FARS2: variants seen among roughly 807,000 people sequenced by gnomAD.
FARS2 encodes phenylalanine--tRNA ligase, mitochondrial.
A neutral mutation model predicts 46.4 loss-of-function variants in FARS2; 40 were observed. That is an observed-to-expected ratio of 0.86 (90% CI 0.67 to 1.12). The LOEUF (loss-of-function observed/expected upper bound fraction) is 1.12. FARS2 is among the 50% of genes most tolerant of loss of function. The pLI, the probability that FARS2 is intolerant of heterozygous loss-of-function variation, is 0.00. For synonymous variants in FARS2, 234 were observed against 214.9 expected (o/e 1.09, Z -0.78); for missense variants, 513 against 567.9 (o/e 0.90, Z 0.98).
At chr6:5,547,213 A>C (rs2150506723) in intron 5 of FARS2, among the ~76,000 whole-genome samples, 1 of 152,228 alleles carries the variant, frequency 6.6e-6, no homozygotes, top group African/African-American at 2.4e-5. Context: ...TGGCCTCCCG[A>C]AGTGCTGGGA....
intron 3 of FARS2, among the ~76,000 whole-genome samples, chr6:5,418,738 C>T (rs1315543226): frequency 3.9e-5 from 6 of 152,284 alleles, no homozygotes; most frequent in South Asian, 2.1e-4. Context: ...TCCAGACTCC[C>T]GGCTCTGTCT....
At chr6:5,381,370 A>AACACACACACACAC (rs3057175) in intron 2 of FARS2, among the ~76,000 whole-genome samples, 8 of 132,988 alleles carry the variant, frequency 6.0e-5, no homozygotes, top group East Asian at 2.1e-4. Context: ...ACTCCCCAGA[A>AACACACACACACAC]ACACACACAC....
intron 1 of FARS2, among the ~76,000 whole-genome samples, chr6:5,265,827 T>C (rs73363098): frequency 0.092 from 14,051 of 152,262 alleles, 844 homozygotes; most frequent in African/African-American, 0.17. Flanking sequence ...GCTGAAGCGT[T>C]GTGGGGTCTC....
intron 1 of FARS2, among the ~76,000 whole-genome samples, chr6:5,273,665 G>A (rs1003531969): frequency 3.3e-5 from 5 of 152,074 alleles, no homozygotes; most frequent in African/African-American, 4.8e-5. Flanking sequence ...TTACAGAAGC[G>A]TTTTTGCTTG....
intron 3 of FARS2, among the ~76,000 whole-genome samples, chr6:5,430,386 GCACTTTTTCT>G (rs1403574777): frequency 2.6e-5 from 4 of 152,006 alleles, no homozygotes; most frequent in Admixed American, 2.6e-4. Flanking sequence ...TTAAATTACA[GCACTTTTTCT>G]CAAAAGTGCT....
chr6:5,434,617 C>T (rs931955829), intron 4 of FARS2, among the ~76,000 whole-genome samples: 7 of 152,192 alleles, frequency 4.6e-5, no homozygotes, highest in Admixed American at 3.9e-4. Flanking sequence ...TAACCACAGA[C>T]ATTTGTAAGT....
rs34273142 is a variant in FARS2 at position 5,538,148 on chromosome 6, CAAA to C, written c.905-7016_905-7014del. On this transcript the variant is annotated intron_variant, in intron 4 of 6. Coordinates refer to ENST00000274680, the MANE Select transcript of FARS2 (RefSeq NM_006567.5). ...GGAACTCACTAGTTTTGGAATGAGG[CAAA>C]AAAAAAAAAAAAAAATACTGCCTTA... 1.1e-3 allele frequency among the ~76,000 whole-genome samples: 116 copies of C among 108,116 alleles called. 1 individual carries two copies. The highest frequency in any genetic ancestry group is 2.5e-3 in the African/African-American group (69 of 27,388). 70.9% of individuals were successfully genotyped at this position (108,116 alleles called of 152,430 possible).
intron 1 of FARS2, among the ~76,000 whole-genome samples, chr6:5,310,328 CCTTT>C (rs1012872060): frequency 3.3e-5 from 5 of 151,450 alleles, no homozygotes; most frequent in African/African-American, 1.2e-4. Flanking sequence ...GTGGTGAAGG[CCTTT>C]CTAAGCAAGG....
intron 4 of FARS2, among the ~76,000 whole-genome samples, chr6:5,505,857 G>T (rs1768069991): frequency 6.6e-6 from 1 of 152,158 alleles, no homozygotes; most frequent in African/African-American, 2.4e-5. Flanking sequence ...AGTTCCACCA[G>T]CTATTATAAT....
intron 6 of FARS2, among the ~76,000 whole-genome samples, chr6:5,671,466 C>T (rs1404196047): frequency 6.6e-6 from 1 of 152,218 alleles, no homozygotes; most frequent in Non-Finnish European, 1.5e-5. Context: ...TCTGCCGGAA[C>T]TTCCTGGTGT....
chr6:5,724,382 G>C (rs1215713315), intron 6 of FARS2, among the ~76,000 whole-genome samples: 1 of 152,204 alleles, frequency 6.6e-6, no homozygotes, highest in African/African-American at 2.4e-5. Context: ...CCTTCCCTTT[G>C]TGGTCATCAC....
chr6:5,605,006 C>T (rs1774747928), intron 5 of FARS2, among the ~76,000 whole-genome samples: 1 of 152,322 alleles, frequency 6.6e-6, no homozygotes, highest in Non-Finnish European at 1.5e-5. Context: ...CCTTTGTCCT[C>T]CTCCCTGACA....
intron 2 of FARS2, among the ~76,000 whole-genome samples, chr6:5,380,990 A>ATTTG (rs1759727890): frequency 7.1e-6 from 1 of 140,982 alleles, no homozygotes; most frequent in South Asian, 2.3e-4. Flanking sequence ...TTATTTATTT[A>ATTTG]TTTATTTATT....
At chr6:5,687,685 C>CT (rs1306665324) in intron 6 of FARS2, among the ~76,000 whole-genome samples, 1 of 152,136 alleles carries the variant, frequency 6.6e-6, no homozygotes, top group Admixed American at 6.5e-5. Context: ...AATGTGGGCT[C>CT]TTTTTTGGTT....
At chr6:5,666,078 G>A (rs1447777618) in intron 6 of FARS2, among the ~76,000 whole-genome samples, 1 of 152,162 alleles carries the variant, frequency 6.6e-6, no homozygotes, top group Non-Finnish European at 1.5e-5. Context: ...AGCAGGTCTA[G>A]CGTACCGCAC....
chr6:5,641,391 G>T (rs1776811369), intron 6 of FARS2, among the ~76,000 whole-genome samples: 1 of 152,084 alleles, frequency 6.6e-6, no homozygotes, highest in Admixed American at 6.6e-5. Context: ...CCACCCCCTG[G>T]GTTCAAGTGA....
At chr6:5,478,670 G>A (rs1301936229) in intron 4 of FARS2, among the ~76,000 whole-genome samples, 2 of 152,136 alleles carry the variant, frequency 1.3e-5, no homozygotes, top group African/African-American at 4.8e-5. Flanking sequence ...TTGCAAGTGC[G>A]GAACAACCAG....
At chr6:5,693,153 C>T (rs776513053) in intron 6 of FARS2, among the ~76,000 whole-genome samples, 80 of 152,202 alleles carry the variant, frequency 5.3e-4, no homozygotes, top group Admixed American at 2.3e-3. Flanking sequence ...TCCAGCCTGA[C>T]ATTCATCTTT....
At chr6:5,499,343 AG>A (rs1317245893) in intron 4 of FARS2, among the ~76,000 whole-genome samples, 2 of 152,154 alleles carry the variant, frequency 1.3e-5, no homozygotes, top group African/African-American at 4.8e-5. Flanking sequence ...TTTATTAGGG[AG>A]GTCCAGACAC....
Sources: gnomAD v4.1 joint callset for allele counts (sites outside exome capture counted in the v4.1 genomes callset) on GRCh38, gnomAD v4.1.1 for gene constraint, MANE v1.5 for transcripts, NCBI Gene and HGNC (gene_info 2026-07-23, HGNC 2026-07-21) for gene names.